The following GPC5 variants were observed in gnomAD, a reference collection of about 807,000 sequenced individuals.
The protein encoded by GPC5 is glypican 5, also known as glypican-5.
GPC5 carries 47 observed loss-of-function variants against 53.9 expected under a neutral mutation model. The observed-to-expected ratio is 0.87, with a 90% confidence interval of 0.69 to 1.11. The LOEUF (loss-of-function observed/expected upper bound fraction) is 1.11, where lower values mean the gene tolerates loss of function less well. Among genes scored for constraint, GPC5 ranks in the 50% most tolerant of loss-of-function variants. GPC5 has a pLI of 0.00. For synonymous variants in GPC5, 286 were observed against 263.3 expected (o/e 1.09, Z -0.84); for missense variants, 748 against 713.1 (o/e 1.05, Z -0.56).
intron 6 of GPC5, among the ~76,000 whole-genome samples, chr13:92,113,603 C>T (rs1490797152): frequency 1.3e-5 from 2 of 152,038 alleles, no homozygotes; most frequent in Admixed American, 1.3e-4. Context: ...TACTTTTGAA[C>T]CCAATTATTT....
chr13:92,283,926 C>A (rs1363778191), intron 7 of GPC5, among the ~76,000 whole-genome samples: 7 of 152,092 alleles, frequency 4.6e-5, no homozygotes, highest in Non-Finnish European at 1.0e-4. Flanking sequence ...ACACAAAAAA[C>A]CCTTCAAAAA....
chr13:92,044,493 G>T (rs2138828856), intron 6 of GPC5, among the ~76,000 whole-genome samples: 1 of 152,320 alleles, frequency 6.6e-6, no homozygotes, highest in Non-Finnish European at 1.5e-5. Context: ...ATGCTGGACA[G>T]TTGCCTCTGC....
chr13:92,737,766 CT>C (rs33914729), intron 7 of GPC5, among the ~76,000 whole-genome samples: 4 of 102,130 alleles, frequency 3.9e-5, no homozygotes, highest in Admixed American at 1.4e-4. Context: ...TTTTCTTTTT[CT>C]TTTTTTTTTT....
intron 2 of GPC5, among the ~76,000 whole-genome samples, chr13:91,565,978 C>T (rs756636920): frequency 2.6e-5 from 4 of 152,040 alleles, no homozygotes; most frequent in Admixed American, 6.6e-5. Flanking sequence ...TTCAAATTGC[C>T]GTTTCCTTTG....
chr13:92,245,955 A>G (rs892098917), intron 7 of GPC5, among the ~76,000 whole-genome samples: 3 of 151,976 alleles, frequency 2.0e-5, no homozygotes, highest in Admixed American at 6.6e-5. Context: ...TGGGCCCTAT[A>G]TTATTCATTT....
intron 7 of GPC5, among the ~76,000 whole-genome samples, chr13:92,215,456 G>A (rs1384478862): frequency 2.4e-4 from 37 of 152,184 alleles, no homozygotes; most frequent in Admixed American, 2.4e-3. Context: ...CAAGTAGAAA[G>A]TAAAATAATT....
intron 6 of GPC5, among the ~76,000 whole-genome samples, chr13:91,948,457 A>G (rs546920113): frequency 4.9e-4 from 74 of 152,162 alleles, no homozygotes; most frequent in African/African-American, 1.5e-3. Context: ...GGCTGGGGAT[A>G]CATCAATGAA....
At chr13:91,903,031 C>CTT (rs3029748) in intron 5 of GPC5, among the ~76,000 whole-genome samples, 69,775 of 148,086 alleles carry the variant, frequency 0.47, 17,422 homozygotes, top group East Asian at 0.69. Flanking sequence ...CAGCTCAGTA[C>CTT]TTTTTTTTTT....
At chr13:91,998,635 A>G (rs1470302545) in intron 6 of GPC5, among the ~76,000 whole-genome samples, 4 of 152,180 alleles carry the variant, frequency 2.6e-5, no homozygotes, top group Non-Finnish European at 5.9e-5. Flanking sequence ...ATGGAACCCA[A>G]TGTCTCTGCA....
chr13:92,528,435 T>C, intron 7 of GPC5, among the ~76,000 whole-genome samples: 1 of 152,228 alleles, frequency 6.6e-6, no homozygotes, highest in East Asian at 1.9e-4. Context: ...TTTATGACAT[T>C]CCTTCTAGAA....
At chr13:91,405,590 C>T (rs764394330) in intron 1 of GPC5, among the ~76,000 whole-genome samples, 8 of 152,074 alleles carry the variant, frequency 5.3e-5, no homozygotes, top group Non-Finnish European at 8.8e-5. Context: ...GCACTTTTCA[C>T]GGCGCCACGT....
chr13:92,314,762 C>T (rs980927844), intron 7 of GPC5, among the ~76,000 whole-genome samples: 1 of 152,074 alleles, frequency 6.6e-6, no homozygotes, highest in African/African-American at 2.4e-5. Flanking sequence ...GAAGAGTGCT[C>T]TATTTTTATT....
intron 6 of GPC5, among the ~76,000 whole-genome samples, chr13:92,016,000 A>T (rs541815196): frequency 2.3e-4 from 35 of 152,314 alleles, no homozygotes; most frequent in African/African-American, 7.9e-4. Context: ...GCAGGGAAAT[A>T]AGTGGAAAAG....
intron 7 of GPC5, among the ~76,000 whole-genome samples, chr13:92,184,246 A>G (rs2042167258): frequency 6.6e-6 from 1 of 152,192 alleles, no homozygotes; most frequent in Admixed American, 6.5e-5. Flanking sequence ...CATTAATTAT[A>G]TATACACAGA....
intron 7 of GPC5, among the ~76,000 whole-genome samples, chr13:92,374,982 A>G (rs1035593356): frequency 1.3e-5 from 2 of 152,132 alleles, no homozygotes; most frequent in Non-Finnish European, 2.9e-5. Context: ...CTTCCCTTAG[A>G]ATATTATATC....
intron 5 of GPC5, among the ~76,000 whole-genome samples, chr13:91,867,041 C>A (rs1174205616): frequency 6.6e-6 from 1 of 152,032 alleles, no homozygotes; most frequent in Non-Finnish European, 1.5e-5. Context: ...CATGGAGAAA[C>A]CCTGTCTCTA....
chr13:92,295,052 A>G (rs1594077442), intron 7 of GPC5, among the ~76,000 whole-genome samples: 1 of 150,022 alleles, frequency 6.7e-6, no homozygotes, highest in Non-Finnish European at 1.5e-5. Context: ...CTGGTCTCAA[A>G]CTCCTGTCCT....
chr13:92,132,550 G>T (rs534513611), intron 6 of GPC5, among the ~76,000 whole-genome samples: 1 of 152,172 alleles, frequency 6.6e-6, no homozygotes, highest in South Asian at 2.1e-4. Flanking sequence ...GAGTTTACAG[G>T]TGTGTCCGCC....
At chr13:91,587,956 T>C (rs2032659682) in intron 2 of GPC5, among the ~76,000 whole-genome samples, 1 of 152,192 alleles carries the variant, frequency 6.6e-6, no homozygotes, top group African/African-American at 2.4e-5. Flanking sequence ...TCTGACTCAG[T>C]ACTCATAATG....
Sources: allele counts gnomAD v4.1 joint callset (sites outside exome capture counted in the v4.1 genomes callset), GRCh38; gene constraint gnomAD v4.1.1; transcripts MANE v1.5; gene names NCBI Gene and HGNC (gene_info 2026-07-23, HGNC 2026-07-21).